The following THADA variants were observed in gnomAD, a reference collection of about 807,000 sequenced individuals.
THADA encodes tRNA (32-2'-O)-methyltransferase regulator THADA.
Under a neutral mutation model 219.8 loss-of-function variants are expected in THADA, and 213 were observed. That is an observed-to-expected ratio of 0.97 (90% CI 0.87 to 1.09). The LOEUF (loss-of-function observed/expected upper bound fraction) is 1.09. Among genes scored for constraint, THADA ranks in the 50% least tolerant of loss-of-function variants. The pLI, the probability that THADA is intolerant of heterozygous loss-of-function variation, is 0.00. For synonymous variants in THADA, 1,018 were observed against 828.9 expected (o/e 1.23, Z -3.92); for missense variants, 2,956 against 2,311.3 (o/e 1.28, Z -5.72).
chr2:43,492,661 T>G (rs1458093719), intron 25 of THADA, among the ~76,000 whole-genome samples: 2 of 152,234 alleles, frequency 1.3e-5, no homozygotes, highest in African/African-American at 4.8e-5. Flanking sequence ...ATTTGGGTTC[T>G]AATTCGCCTT....
chr2:43,309,706 G>A lies in THADA; in HGVS notation c.4438+10740C>T, dbSNP rs116255668. On this transcript the variant is annotated intron_variant, in intron 31 of 37. Coordinates refer to ENST00000405975, the MANE Select transcript of THADA (RefSeq NM_022065.5). ...GCTAACATCATACTTAATGGTAAAAGAGTGAATGCTTTAAGATCCCCTAGG... is the reference window on the plus strand; with the variant it reads ...GCTAACATCATACTTAATGGTAAAAAAGTGAATGCTTTAAGATCCCCTAGG... Among the ~76,000 whole-genome samples, 1,483 of 152,298 alleles carry A rather than the reference G, an allele frequency of 9.7e-3. 18 individuals are homozygous for A. Among genetic ancestry groups the A allele is most frequent in the Middle Eastern group, 0.044 (13 of 294 alleles).
intron 28 of THADA, among the ~76,000 whole-genome samples, chr2:43,408,150 C>T (rs931896204): frequency 6.6e-6 from 1 of 152,182 alleles, no homozygotes; most frequent in African/African-American, 2.4e-5. Flanking sequence ...AAGTCATCCA[C>T]CAAGTTGCAG....
intron 36 of THADA, among the ~76,000 whole-genome samples, chr2:43,251,725 A>G (rs749982140): frequency 6.6e-6 from 1 of 152,350 alleles, no homozygotes. Flanking sequence ...GTGAGGAAAC[A>G]GGGCCTCCCT....
intron 26 of THADA, among the ~76,000 whole-genome samples, chr2:43,482,906 C>T (rs1686407279): frequency 6.6e-6 from 1 of 152,144 alleles, no homozygotes; most frequent in Non-Finnish European, 1.5e-5. Context: ...GTAGACAGCA[C>T]AGATCTTATT....
intron 23 of THADA, among the ~76,000 whole-genome samples, chr2:43,507,553 T>A (rs1689837854): frequency 6.6e-6 from 1 of 152,150 alleles, no homozygotes; most frequent in Non-Finnish European, 1.5e-5. Flanking sequence ...CAGAACTACT[T>A]CAATGATCTC....
intron 36 of THADA, among the ~76,000 whole-genome samples, chr2:43,268,113 T>C (rs897688350): frequency 1.6e-4 from 25 of 152,212 alleles, no homozygotes; most frequent in Non-Finnish European, 5.9e-5. Context: ...CTGCCTCTGC[T>C]CCTGTAGATC....
intron 36 of THADA, among the ~76,000 whole-genome samples, chr2:43,238,081 T>TGCACTCC (rs536032310): frequency 0.021 from 2,552 of 118,830 alleles, 40 homozygotes; most frequent in African/African-American, 0.056. Flanking sequence ...ATCGTGCCAC[T>TGCACTCC]GCACTCCAGC....
intron 22 of THADA, among the ~76,000 whole-genome samples, chr2:43,510,980 TA>T (rs946021307): frequency 4.9e-5 from 7 of 141,580 alleles, no homozygotes; most frequent in Non-Finnish European, 9.2e-5. Context: ...CAAAAAAAAC[TA>T]AAAAAATTTA....
chr2:43,279,537 G>T (rs1163388287), intron 36 of THADA, among the ~76,000 whole-genome samples: 1 of 152,226 alleles, frequency 6.6e-6, no homozygotes, highest in Non-Finnish European at 1.5e-5. Context: ...ACTACGGCTA[G>T]TAGATCAAAT....
intron 24 of THADA, among the ~76,000 whole-genome samples, chr2:43,501,803 G>A (rs1179277764): frequency 6.6e-6 from 1 of 152,176 alleles, no homozygotes; most frequent in Non-Finnish European, 1.5e-5. Flanking sequence ...AATTAGCTGG[G>A]AGTGGTGGCA....
intron 28 of THADA, among the ~76,000 whole-genome samples, chr2:43,425,716 A>T (rs1015109835): frequency 1.3e-5 from 2 of 152,218 alleles, no homozygotes; most frequent in Non-Finnish European, 2.9e-5. Context: ...GTCAGAGCCT[A>T]GGCTCTGTAC....
chr2:43,286,992 G>A lies in THADA; in HGVS notation c.5080C>T (p.Leu1694Phe), dbSNP rs760749228. Residue 1694 changes from leucine to phenylalanine, a missense_variant, in exon 35 of 38, where the codon CTT becomes TTT. Leu to Phe is a conservative substitution (Grantham distance 22). Transcript: ENST00000405975. Reference protein sequence around the residue: ...QLVILSCEDHLPTESRLAVVE... With the variant: ...QLVILSCEDHFPTESRLAVVE... ...ACGGCCAGCCTAGACTCTGTAGGAA[G>A]ATGGTCTTCACATGACAAGATGACC... The A allele has an allele frequency of 2.4e-5, 38 of 1,613,880 alleles. No homozygotes were observed. Among genetic ancestry groups the A allele is most frequent in the Non-Finnish European group, 3.4e-6 (4 of 1,179,894 alleles).
chr2:43,334,636 G>A lies in THADA; in HGVS notation c.4343+9486C>T, dbSNP rs922949382. Among the ~76,000 whole-genome samples, 6 of 152,018 alleles carry A rather than the reference G, an allele frequency of 3.9e-5. No individual in the cohort carries two copies. In the East Asian group the frequency reaches 5.8e-4, roughly 15 times the overall value. Reference sequence around the variant, plus strand: ...ACTGGTCCCAAAAAATTAGCCAGGCGTGGTGGCGGGCGCCTGTAGTCCCAG... The same window carrying A: ...ACTGGTCCCAAAAAATTAGCCAGGCATGGTGGCGGGCGCCTGTAGTCCCAG... On this transcript the variant is annotated intron_variant, in intron 30 of 37. Coordinates refer to ENST00000405975, the MANE Select transcript of THADA (RefSeq NM_022065.5).
chr2:43,252,614 C>T lies in THADA; in HGVS notation c.5297-19732G>A, dbSNP rs142231869. On this transcript the variant is annotated intron_variant, in intron 36 of 37. Transcript: ENST00000405975. Reference sequence around the variant, plus strand: ...ACCTTTTCCACTGAAATTACCCACGCCCCCTACTCCTGACCACATCCTTGA... The same window carrying T: ...ACCTTTTCCACTGAAATTACCCACGTCCCCTACTCCTGACCACATCCTTGA... Among the ~76,000 whole-genome samples, 381 of 152,244 alleles carry T rather than the reference C, an allele frequency of 2.5e-3. 3 individuals are homozygous for T. Among genetic ancestry groups the T allele is most frequent in the African/African-American group, 8.7e-3 (361 of 41,522 alleles).
At chr2:43,461,253 A>C (rs1330248426) in intron 26 of THADA, among the ~76,000 whole-genome samples, 3 of 152,198 alleles carry the variant, frequency 2.0e-5, no homozygotes, top group Non-Finnish European at 2.9e-5. Context: ...TTAAAGAGAG[A>C]ATTTTTAAAC....
intron 30 of THADA, among the ~76,000 whole-genome samples, chr2:43,324,253 C>G (rs1679075311): frequency 6.6e-6 from 1 of 152,226 alleles, no homozygotes; most frequent in African/African-American, 2.4e-5. Flanking sequence ...TTAGAGCCTT[C>G]TGCCAGGCTG....
intron 30 of THADA, among the ~76,000 whole-genome samples, chr2:43,328,669 T>A (rs1297938823): frequency 6.6e-6 from 1 of 152,142 alleles, no homozygotes; most frequent in African/African-American, 2.4e-5. Flanking sequence ...CAGGTTTGGA[T>A]CCTGGGGAAT....
chr2:43,242,015 G>A (rs1307015855), intron 36 of THADA, among the ~76,000 whole-genome samples: 1 of 152,164 alleles, frequency 6.6e-6, no homozygotes, highest in Non-Finnish European at 1.5e-5. Context: ...CCTGCTCTGG[G>A]GTCCCTTCTT....
At chr2:43,280,399 C>T (rs999863454) in intron 35 of THADA, among the ~76,000 whole-genome samples, 2 of 151,952 alleles carry the variant, frequency 1.3e-5, no homozygotes, top group African/African-American at 2.4e-5. Flanking sequence ...TTTGGGAGGA[C>T]GAGGAGAGTG....
Sources: allele counts gnomAD v4.1 joint callset (sites outside exome capture counted in the v4.1 genomes callset), GRCh38; gene constraint gnomAD v4.1.1; transcripts MANE v1.5; gene names NCBI Gene and HGNC (gene_info 2026-07-23, HGNC 2026-07-21).